SNX29: variants seen among roughly 807,000 people sequenced by gnomAD.
The protein encoded by SNX29 is sorting nexin 29, also known as sorting nexin-29.
A neutral mutation model predicts 102.1 loss-of-function variants in SNX29; 78 were observed. That is an observed-to-expected ratio of 0.76 (90% confidence interval 0.64 to 0.92). The LOEUF (loss-of-function observed/expected upper bound fraction) is 0.92. Ranked by LOEUF, SNX29 falls within the 40% of genes least tolerant of loss-of-function variation. The pLI, the probability that SNX29 is intolerant of heterozygous loss-of-function variation, is 0.00. For missense variants in SNX29, 1,280 were observed against 1,061.7 expected (o/e 1.21, Z -2.86); for synonymous variants, 580 against 414.5 (o/e 1.40, Z -4.85).
chr16:12,415,124 A>T (rs1475080556), intron 18 of SNX29, among the ~76,000 whole-genome samples: 2 of 152,250 alleles, frequency 1.3e-5, no homozygotes, highest in Non-Finnish European at 2.9e-5. Flanking sequence ...GCAAGGCTCC[A>T]AGTCCGGGCA....
chr16:12,045,610 A>ATATTATTATTTTTAT (rs2050054677), intron 5 of SNX29, among the ~76,000 whole-genome samples: 1 of 127,294 alleles, frequency 7.9e-6, no homozygotes, highest in Non-Finnish European at 1.7e-5. Context: ...GGCAGGCATT[A>ATATTATTATTTTTAT]TATTATTATT....
intron 14 of SNX29, among the ~76,000 whole-genome samples, chr16:12,248,337 G>T (rs929734417): frequency 1.3e-5 from 2 of 151,210 alleles, no homozygotes; most frequent in Non-Finnish European, 2.9e-5. Flanking sequence ...CTGTTTCCTG[G>T]AGTTCTTCCT....
chr16:12,054,215 C>T (rs1220110826), intron 8 of SNX29, among the ~76,000 whole-genome samples: 1 of 152,244 alleles, frequency 6.6e-6, no homozygotes, highest in Non-Finnish European at 1.5e-5. Flanking sequence ...ATCTGCCCGC[C>T]TTGGCCTCCC....
intron 20 of SNX29, among the ~76,000 whole-genome samples, chr16:12,532,923 GTCC>G (rs1415532376): frequency 6.6e-6 from 1 of 152,244 alleles, no homozygotes; most frequent in Non-Finnish European, 1.5e-5. Context: ...ACAGCAGGCC[GTCC>G]TCCTCTGCTG....
intron 14 of SNX29, among the ~76,000 whole-genome samples, chr16:12,261,635 T>C (rs1410440490): frequency 7.7e-6 from 1 of 130,458 alleles, no homozygotes; most frequent in African/African-American, 3.0e-5. Context: ...CGTCCCCGGC[T>C]GGAGTGAGTG....
rs116521942 is a variant in SNX29 at position 12,568,527 on chromosome 16, G to A, written c.2340G>A (p.Glu780=). The A allele has an allele frequency of 6.2e-7, 1 of 1,609,960 alleles. No individual in the cohort carries two copies. Among genetic ancestry groups the A allele is most frequent in the Non-Finnish European group, 8.5e-7 (1 of 1,179,832 alleles). Residue 780 remains glutamate, a synonymous_variant, in exon 21 of 21, where the codon GAG becomes GAA. Coordinates refer to ENST00000566228, the MANE Select transcript of SNX29 (RefSeq NM_032167.5). ...PFFVDITPPG[E]PVNSRPKAAS... ...TCAGCGACATCACCCCGCCCGGAGA[G>A]CCTGTGAACAGCCGGCCCAAAGCAG...
At chr16:12,282,742 C>T (rs1241780575) in intron 15 of SNX29, among the ~76,000 whole-genome samples, 3 of 152,104 alleles carry the variant, frequency 2.0e-5, no homozygotes, top group African/African-American at 7.2e-5. Context: ...TGCAACCTCC[C>T]CCTCCCAGGT....
chr16:12,393,980 C>T (rs2083629234), intron 16 of SNX29, among the ~76,000 whole-genome samples: 1 of 152,216 alleles, frequency 6.6e-6, no homozygotes, highest in South Asian at 2.1e-4. Flanking sequence ...AAAACATGTG[C>T]ATTTCTGTCT....
intron 15 of SNX29, among the ~76,000 whole-genome samples, chr16:12,332,268 G>A (rs1487046069): frequency 1.3e-5 from 2 of 152,086 alleles, no homozygotes; most frequent in Non-Finnish European, 1.5e-5. Flanking sequence ...GTGTGTGCAC[G>A]GGCATATGCA....
chr16:12,181,573 GC>G (rs1473546409), intron 13 of SNX29, among the ~76,000 whole-genome samples: 41 of 152,120 alleles, frequency 2.7e-4, no homozygotes, highest in Admixed American at 2.7e-3. Flanking sequence ...TTTCCCTTTA[GC>G]TTAGTGATAT....
intron 18 of SNX29, among the ~76,000 whole-genome samples, chr16:12,440,391 A>G (rs1323866220): frequency 6.6e-6 from 1 of 152,018 alleles, no homozygotes; most frequent in Non-Finnish European, 1.5e-5. Flanking sequence ...CATCACCCCC[A>G]CAACCCTTCC....
intron 18 of SNX29, among the ~76,000 whole-genome samples, chr16:12,461,978 A>AATAATATATATATAT (rs1555544500): frequency 7.3e-5 from 2 of 27,352 alleles, no homozygotes; most frequent in South Asian, 2.4e-3. Flanking sequence ...AAAAAAAAAA[A>AATAATATATATATAT]ATATATATAT....
At chr16:12,514,081 T>C (rs1053513384) in intron 19 of SNX29, among the ~76,000 whole-genome samples, 10 of 152,212 alleles carry the variant, frequency 6.6e-5, no homozygotes, top group Admixed American at 2.0e-4. Context: ...GGTGGCAGGA[T>C]TGGGCCTGTG....
intron 18 of SNX29, among the ~76,000 whole-genome samples, chr16:12,464,002 C>A (rs2086936126): frequency 6.6e-6 from 1 of 152,122 alleles, no homozygotes; most frequent in Non-Finnish European, 1.5e-5. Flanking sequence ...ACCAACATCA[C>A]CTATCTCCCC....
At position 12,564,333 on chromosome 16, in the gene SNX29, T is replaced by A. The variant is rs552604991; in HGVS notation, c.2319-4173T>A. On this transcript the variant is annotated intron_variant, in intron 20 of 20. Coordinates refer to ENST00000566228, the MANE Select transcript of SNX29 (RefSeq NM_032167.5). Reference sequence around the variant, plus strand: ...CTTCACTAGTGTCTCTTACCTTATTTCAGTCATTTCAGGATGTCAAAGGAG... The same window carrying A: ...CTTCACTAGTGTCTCTTACCTTATTACAGTCATTTCAGGATGTCAAAGGAG... 2.6e-5 allele frequency among the ~76,000 whole-genome samples: 4 copies of A among 152,342 alleles called. No homozygotes were observed. In the East Asian group the frequency reaches 7.7e-4, roughly 29 times the overall value.
chr16:12,533,824 C>T (rs1433582536), intron 20 of SNX29, among the ~76,000 whole-genome samples: 1 of 152,224 alleles, frequency 6.6e-6, no homozygotes, highest in Non-Finnish European at 1.5e-5. Context: ...TCAGCCACTC[C>T]TCACCAGGCT....
intron 14 of SNX29, among the ~76,000 whole-genome samples, chr16:12,268,651 A>T (rs577832896): frequency 4.6e-5 from 7 of 152,256 alleles, no homozygotes; most frequent in African/African-American, 1.7e-4. Flanking sequence ...TTGTTATGGG[A>T]CCTGGGCATA....
intron 15 of SNX29, among the ~76,000 whole-genome samples, chr16:12,308,136 C>T (rs922601972): frequency 6.6e-6 from 1 of 152,238 alleles, no homozygotes; most frequent in African/African-American, 2.4e-5. Context: ...GATGCATGGT[C>T]TCTGCTCTGA....
At chr16:12,232,586 G>A (rs768896272) in intron 14 of SNX29, among the ~76,000 whole-genome samples, 2 of 152,180 alleles carry the variant, frequency 1.3e-5, no homozygotes, top group Admixed American at 6.5e-5. Flanking sequence ...AAGAGTTTTC[G>A]TTTTTAATCT....
Sources: gnomAD v4.1 joint callset for allele counts (sites outside exome capture counted in the v4.1 genomes callset) on GRCh38, gnomAD v4.1.1 for gene constraint, MANE v1.5 for transcripts, NCBI Gene and HGNC (gene_info 2026-07-23, HGNC 2026-07-21) for gene names.